Variants in OPN3 observed in about 807,000 individuals in gnomAD.
OPN3 encodes opsin 3, also known as opsin-3.
OPN3 carries 29 observed loss-of-function variants against 33.8 expected under a neutral mutation model. That is an observed-to-expected ratio of 0.86 (90% confidence interval 0.64 to 1.17). The LOEUF (loss-of-function observed/expected upper bound fraction) is 1.17. OPN3 is among the 50% of genes most tolerant of loss of function. OPN3 has a pLI of 0.00. For missense variants in OPN3, 437 were observed against 514.1 expected (o/e 0.85, Z 1.45); for synonymous variants, 216 against 216.1 (o/e 1.00, Z 0.00).
intron 1 of OPN3, among the ~76,000 whole-genome samples, chr1:241,605,437 A>G (rs994388203): frequency 5.3e-5 from 8 of 152,310 alleles, no homozygotes; most frequent in Non-Finnish European, 4.4e-5. Flanking sequence ...CTGGGCTTGC[A>G]TGGTCTTCAC....
chr1:241,599,407 C>T (rs975825886), intron 2 of OPN3, among the ~76,000 whole-genome samples: 1 of 151,920 alleles, frequency 6.6e-6, no homozygotes, highest in Non-Finnish European at 1.5e-5. Context: ...TAACTTATTA[C>T]AATGTTCAGA....
At position 241,594,488 on chromosome 1, in the gene OPN3, A is replaced by G; in HGVS notation, c.1149T>C (p.Val383=). 5.0e-6 allele frequency: 8 copies of G among 1,614,104 alleles called. No individual in the cohort carries two copies. Among genetic ancestry groups the G allele is most frequent in the Non-Finnish European group, 6.8e-6 (8 of 1,179,954 alleles). The part of the protein sequence containing the change: ...FIITSDESLS[V]DDSDKTNGSK... ...ACCCATTGGTTTTGTCGCTGTCGTC[A>G]ACTGACAGTGATTCATCACTGGTGA... Residue 383 remains valine (V), a synonymous_variant, in exon 4 of 4, where the codon GTT becomes GTC. Coordinates refer to ENST00000366554, the MANE Select transcript of OPN3 (RefSeq NM_014322.3).
chr1:241,627,533 G>T (rs1211499414), intron 1 of OPN3, among the ~76,000 whole-genome samples: 1 of 152,178 alleles, frequency 6.6e-6, no homozygotes, highest in Non-Finnish European at 1.5e-5. Context: ...GATCACATAA[G>T]AAAATGTAGT....
chr1:241,631,816 C>T (rs1664644120), intron 1 of OPN3: 1 of 152,096 alleles, frequency 6.6e-6, no homozygotes, highest in African/African-American at 2.4e-5. Flanking sequence ...GTGCTTTTTA[C>T]CCCCGGCAAT....
intron 1 of OPN3, among the ~76,000 whole-genome samples, chr1:241,606,211 G>A (rs1333468390): frequency 2.6e-5 from 4 of 152,126 alleles, no homozygotes; most frequent in Non-Finnish European, 5.9e-5. Context: ...TCTGCTTATC[G>A]AATGTGAGGC....
At chr1:241,627,322 C>CT (rs1664448058) in intron 1 of OPN3, among the ~76,000 whole-genome samples, 1 of 152,106 alleles carries the variant, frequency 6.6e-6, no homozygotes, top group Non-Finnish European at 1.5e-5. Flanking sequence ...TTAAATAGTG[C>CT]TTTATGTGTT....
chr1:241,622,602 A>T (rs1664295240), intron 1 of OPN3, among the ~76,000 whole-genome samples: 1 of 152,170 alleles, frequency 6.6e-6, no homozygotes, highest in Non-Finnish European at 1.5e-5. Context: ...CATTCAATTC[A>T]TTAGCACTCT....
chr1:241,594,851 C>T (rs1018129115), intron 3 of OPN3, 160 bp from the exon 4 acceptor site: 24 of 701,504 alleles, frequency 3.4e-5, no homozygotes, highest in South Asian at 1.2e-4. Context: ...ACCTAAATCA[C>T]CCCAGAGCTT....
intron 1 of OPN3, chr1:241,634,192 CA>C: frequency 1.9e-6 from 3 of 1,613,914 alleles, no homozygotes; most frequent in Non-Finnish European, 2.5e-6. Context: ...ATTTCTTCAC[CA>C]CTGATTCTAA....
chr1:241,617,503 T>C (rs1054192386), intron 1 of OPN3, among the ~76,000 whole-genome samples: 1 of 152,204 alleles, frequency 6.6e-6, no homozygotes, highest in African/African-American at 2.4e-5. Context: ...AATTAAATCT[T>C]CATTCCATCA....
chr1:241,629,672 T>C (rs1300465385), intron 1 of OPN3: 1 of 152,110 alleles, frequency 6.6e-6, no homozygotes, highest in Non-Finnish European at 1.5e-5. Flanking sequence ...TATACCACTA[T>C]TGGTGTGAGA....
chr1:241,594,871 T>A (rs1356595937), intron 3 of OPN3, 180 bp from the exon 4 acceptor site: 1 of 631,118 alleles, frequency 1.6e-6, no homozygotes, highest in Non-Finnish European at 2.7e-6. Context: ...TTATGTCTTT[T>A]ATTCATTCTA....
At chr1:241,605,310 C>T (rs781650753) in intron 1 of OPN3, among the ~76,000 whole-genome samples, 5 of 151,990 alleles carry the variant, frequency 3.3e-5, no homozygotes, top group Non-Finnish European at 5.9e-5. Flanking sequence ...AAAGCTCAAG[C>T]TGAATGAAGT....
Position 241,593,273 on chromosome 1 carries a change from C to T in OPN3, c.*1155G>A, listed in dbSNP as rs55802518. 4.7e-3 allele frequency: 1,569 copies of T among 332,100 alleles called. 11 individuals carry two copies. Among genetic ancestry groups the T allele is most frequent in the Non-Finnish European group, 7.5e-3 (1,071 of 142,780 alleles). 20.6% of individuals were successfully genotyped at this position (332,100 alleles called of 1,614,324 possible). A position where few individuals can be genotyped will look rare whatever the true frequency, so the allele number is the denominator to read the frequency against. On this transcript the variant is annotated 3_prime_UTR_variant, in exon 4 of 4. Transcript: ENST00000366554. ...AGAAGCAATTTACTAATTTATTCTTCGACTACATACTGCAGCAGAACCAGC... is the reference window on the plus strand; with the variant it reads ...AGAAGCAATTTACTAATTTATTCTTTGACTACATACTGCAGCAGAACCAGC...
At chr1:241,611,551 A>G (rs951168573) in intron 1 of OPN3, among the ~76,000 whole-genome samples, 1 of 151,818 alleles carries the variant, frequency 6.6e-6, no homozygotes, top group Admixed American at 6.6e-5. Flanking sequence ...CTCTTATCCT[A>G]TTCCAGGAAG....
chr1:241,629,099 T>C (rs1280554692), intron 1 of OPN3: 3 of 152,616 alleles, frequency 2.0e-5, no homozygotes, highest in Non-Finnish European at 4.4e-5. Flanking sequence ...TATAACATTC[T>C]GTGATAGCAC....
At position 241,604,505 on chromosome 1, in the gene OPN3, T is replaced by C. The variant is rs369363861; in HGVS notation, c.448A>G (p.Asn150Asp). ...YIRVVHARVI[N>D]FSWAWRAITY... ...ATGGCCCTCCAGGCCCAGGAAAAAT[T>C]GATCACTCTGGCATGGACCACGCGA... is the stretch of plus-strand genomic sequence containing the variant. Residue 150 changes from asparagine to aspartate, a missense_variant, in exon 2 of 4, where the codon AAT becomes GAT. Asn to Asp is a conservative substitution (Grantham distance 23). Transcript: ENST00000366554. The C allele has an allele frequency of 6.2e-7, 1 of 1,614,046 alleles. No homozygotes were observed. Among genetic ancestry groups the C allele is most frequent in the South Asian group, 1.1e-5 (1 of 91,074 alleles).
At chr1:241,619,765 G>A (rs1376972166) in intron 1 of OPN3, among the ~76,000 whole-genome samples, 2 of 152,198 alleles carry the variant, frequency 1.3e-5, no homozygotes, top group Non-Finnish European at 2.9e-5. Context: ...AAGCCTGGCT[G>A]TACAAGAAAC....
chr1:241,602,199 C>T (rs1663695478), intron 2 of OPN3, among the ~76,000 whole-genome samples: 1 of 152,176 alleles, frequency 6.6e-6, no homozygotes, highest in African/African-American at 2.4e-5. Context: ...AAGAAGATGG[C>T]GCCAGAGAGT....
Sources: gnomAD v4.1 joint callset for allele counts (sites outside exome capture counted in the v4.1 genomes callset) on GRCh38, gnomAD v4.1.1 for gene constraint, MANE v1.5 for transcripts, NCBI Gene and HGNC (gene_info 2026-07-23, HGNC 2026-07-21) for gene names.